The following RCAN2 variants were observed in gnomAD, a reference collection of about 807,000 sequenced individuals.
RCAN2 encodes regulator of calcineurin 2, also known as calcipressin-2.
In RCAN2, 9 loss-of-function variants were observed where a neutral mutation model predicts 23.6. The observed-to-expected ratio is 0.38, with a 90% CI of 0.23 to 0.67. The LOEUF (loss-of-function observed/expected upper bound fraction) is 0.67. RCAN2 is among the 30% of genes least tolerant of loss of function. RCAN2 has a pLI of 0.51. For synonymous variants in RCAN2, 109 were observed against 115.7 expected (o/e 0.94, Z 0.37); for missense variants, 273 against 302.3 (o/e 0.90, Z 0.72).
At chr6:46,404,978 G>A (rs541226195) in intron 2 of RCAN2, among the ~76,000 whole-genome samples, 1 of 152,298 alleles carries the variant, frequency 6.6e-6, no homozygotes, top group South Asian at 2.1e-4. Context: ...ATATGACACT[G>A]ATAAATTGCA....
intron 1 of RCAN2, among the ~76,000 whole-genome samples, chr6:46,458,885 A>ATGCG (rs775420370): frequency 1.3e-4 from 20 of 148,154 alleles, no homozygotes; most frequent in African/African-American, 4.6e-4. Flanking sequence ...TTACAGGAAA[A>ATGCG]CGCGCGCGCA....
At chr6:46,390,734 C>T (rs1203977646) in intron 2 of RCAN2, among the ~76,000 whole-genome samples, 1 of 152,034 alleles carries the variant, frequency 6.6e-6, no homozygotes, top group South Asian at 2.1e-4. Flanking sequence ...CGTAGAGAAC[C>T]AAGAAGCAAG....
chr6:46,321,213 G>T (rs1211945631), intron 2 of RCAN2, among the ~76,000 whole-genome samples: 1 of 152,112 alleles, frequency 6.6e-6, no homozygotes, highest in Non-Finnish European at 1.5e-5. Flanking sequence ...CCCCATCAAT[G>T]CTCTATCTCT....
intron 2 of RCAN2, among the ~76,000 whole-genome samples, chr6:46,254,401 C>CTGCAGGAAGGTCAAATAGGGTGAAGA (rs1766836621): frequency 6.6e-6 from 1 of 152,116 alleles, no homozygotes; most frequent in Non-Finnish European, 1.5e-5. Context: ...GTATTGAATG[C>CTGCAGGAAGGTCAAATAGGGTGAAGA]TGCAGGAAGG....
intron 2 of RCAN2, among the ~76,000 whole-genome samples, chr6:46,353,948 T>C (rs1304473818): frequency 6.6e-6 from 1 of 152,228 alleles, no homozygotes. Flanking sequence ...TCATTACTAA[T>C]ATGGACTTTA....
At chr6:46,369,482 G>C (rs920586622) in intron 2 of RCAN2, among the ~76,000 whole-genome samples, 1 of 152,072 alleles carries the variant, frequency 6.6e-6, no homozygotes, top group Non-Finnish European at 1.5e-5. Context: ...CACCACAAAC[G>C]TGAGTAATAC....
At chr6:46,400,235 A>G (rs1189465320) in intron 2 of RCAN2, among the ~76,000 whole-genome samples, 1 of 152,168 alleles carries the variant, frequency 6.6e-6, no homozygotes, top group Non-Finnish European at 1.5e-5. Context: ...CACTTTCCTT[A>G]GCACTTAGTC....
At chr6:46,243,787 G>C (rs914114105) in intron 4 of RCAN2, among the ~76,000 whole-genome samples, 3 of 129,476 alleles carry the variant, frequency 2.3e-5, no homozygotes, top group Admixed American at 8.5e-5. Flanking sequence ...TCCAGCCTGG[G>C]TGACAGGGTA....
At chr6:46,345,376 C>T (rs1254367372) in intron 2 of RCAN2, among the ~76,000 whole-genome samples, 1 of 152,020 alleles carries the variant, frequency 6.6e-6, no homozygotes, top group South Asian at 2.1e-4. Flanking sequence ...ATTTGAACAA[C>T]TCCGAAAACA....
At position 46,330,008 on chromosome 6, in the gene RCAN2, G is replaced by A. The variant is rs113102389; in HGVS notation, c.226-81112C>T. On this transcript the variant is annotated intron_variant, in intron 2 of 4. Transcript: ENST00000371374. ...ATAGAAGTTCCCATTACAGCTATGG[G>A]TTGTCAAAGGCTCTGCTCCTTCTGT... is the stretch of plus-strand genomic sequence containing the variant. Among the ~76,000 whole-genome samples the A allele has an allele frequency of 5.8e-4, 88 of 152,306 alleles. 1 individual carries two copies. The highest frequency in any genetic ancestry group is 2.0e-3 in the African/African-American group (84 of 41,566).
chr6:46,423,106 G>A (rs186787965), intron 2 of RCAN2, among the ~76,000 whole-genome samples: 15 of 152,234 alleles, frequency 9.9e-5, no homozygotes, highest in Admixed American at 3.3e-4. Context: ...GAAGGAGTGG[G>A]TCTAAGCATT....
At chr6:46,232,486 AG>A (rs1765930677) in intron 4 of RCAN2, among the ~76,000 whole-genome samples, 1 of 152,078 alleles carries the variant, frequency 6.6e-6, no homozygotes, top group South Asian at 2.1e-4. Context: ...ATTAACTGGG[AG>A]TGCTCATTAA....
At chr6:46,310,341 T>A (rs1316963190) in intron 2 of RCAN2, among the ~76,000 whole-genome samples, 1 of 152,086 alleles carries the variant, frequency 6.6e-6, no homozygotes, top group African/African-American at 2.4e-5. Context: ...AATTAAAGAG[T>A]TCAAGGTACT....
intron 2 of RCAN2, among the ~76,000 whole-genome samples, chr6:46,332,740 G>A (rs901618930): frequency 6.6e-6 from 1 of 152,026 alleles, no homozygotes; most frequent in African/African-American, 2.4e-5. Flanking sequence ...CCAAGTCTTT[G>A]CTATTGTGAA....
chr6:46,396,667 C>T (rs1766097797), intron 2 of RCAN2, among the ~76,000 whole-genome samples: 2 of 152,262 alleles, frequency 1.3e-5, no homozygotes, highest in Non-Finnish European at 2.9e-5. Flanking sequence ...AATGCTGTTA[C>T]ATATTATGAA....
chr6:46,312,680 A>G (rs986457370), intron 2 of RCAN2, among the ~76,000 whole-genome samples: 1 of 152,192 alleles, frequency 6.6e-6, no homozygotes, highest in African/African-American at 2.4e-5. Context: ...CTGCTTTTCT[A>G]GTTTGACTTC....
intron 2 of RCAN2, among the ~76,000 whole-genome samples, chr6:46,381,491 A>G (rs1462103614): frequency 6.6e-6 from 1 of 152,228 alleles, no homozygotes; most frequent in Admixed American, 6.5e-5. Flanking sequence ...ATCGCCTTTT[A>G]CAAGCCCAGG....
intron 2 of RCAN2, among the ~76,000 whole-genome samples, chr6:46,359,848 T>C (rs1043927187): frequency 2.6e-5 from 4 of 152,186 alleles, no homozygotes; most frequent in African/African-American, 9.7e-5. Flanking sequence ...AGTCACAATA[T>C]ACAGATGCTA....
intron 2 of RCAN2, among the ~76,000 whole-genome samples, chr6:46,265,781 C>A (rs1224178061): frequency 6.6e-6 from 1 of 152,132 alleles, no homozygotes. Context: ...ATAAAAGTTA[C>A]GGAATAAATT....
Sources: allele counts gnomAD v4.1 joint callset (sites outside exome capture counted in the v4.1 genomes callset), GRCh38; gene constraint gnomAD v4.1.1; transcripts MANE v1.5; gene names NCBI Gene and HGNC (gene_info 2026-07-23, HGNC 2026-07-21).